The following ZNF138 variants were observed in gnomAD, a reference collection of about 807,000 sequenced individuals.
ZNF138 encodes zinc finger protein 138, also known as zinc finger protein 138 (clone pHZ-32).
Under a neutral mutation model 33.0 loss-of-function variants are expected in ZNF138, and 33 were observed. The ratio of observed to expected loss-of-function variants is 1.00; its 90% CI spans 0.76 to 1.34. ZNF138 has a LOEUF of 1.34. Among genes scored for constraint, ZNF138 ranks in the 40% most tolerant of loss-of-function variants. The pLI is 0.00. For missense variants in ZNF138, 360 were observed against 370.8 expected (o/e 0.97, Z 0.24); for synonymous variants, 139 against 120.4 (o/e 1.15, Z -1.01).
intron 3 of ZNF138, among the ~76,000 whole-genome samples, chr7:64,818,697 C>T (rs1788873978): frequency 7.3e-6 from 1 of 137,872 alleles, no homozygotes; most frequent in Admixed American, 7.3e-5. Context: ...TTGTGGTGAG[C>T]CGAGATCATG....
chr7:64,794,688 C>T (rs1786546530), intron 1 of ZNF138, 117 bp downstream of exon 1: 16 of 1,491,720 alleles, frequency 1.1e-5, no homozygotes, highest in Non-Finnish European at 1.5e-5. Context: ...TCCGCGGCCC[C>T]GAGTTCTTGG....
the ZNF138 span, among the ~76,000 whole-genome samples, chr7:64,847,055 A>G: frequency 6.6e-6 from 1 of 152,150 alleles, no homozygotes; most frequent in East Asian, 1.9e-4. Flanking sequence ...TATGTGGTGT[A>G]TCACATTTAT....
chr7:64,821,813 G>C (rs1789168161), intron 3 of ZNF138, among the ~76,000 whole-genome samples: 1 of 151,474 alleles, frequency 6.6e-6, no homozygotes, highest in Non-Finnish European at 1.5e-5. Flanking sequence ...CCAAAGTGTT[G>C]GGATTACAGG....
At chr7:64,828,801 T>C (rs982205806) in intron 3 of ZNF138, among the ~76,000 whole-genome samples, 1 of 151,884 alleles carries the variant, frequency 6.6e-6, no homozygotes, top group African/African-American at 2.4e-5. Context: ...TTTTGAAGTT[T>C]GTTCAGTACT....
At chr7:64,795,199 T>G (rs1786588394) in intron 1 of ZNF138, among the ~76,000 whole-genome samples, 1 of 152,202 alleles carries the variant, frequency 6.6e-6, no homozygotes, top group Non-Finnish European at 1.5e-5. Context: ...TACAGTTGGT[T>G]AAACATGAAT....
intron 1 of ZNF138, among the ~76,000 whole-genome samples, chr7:64,807,705 G>C (rs1172274223): frequency 4.6e-5 from 7 of 152,238 alleles, no homozygotes; most frequent in African/African-American, 1.7e-4. Flanking sequence ...TGCGTTGTGA[G>C]ATGTCAACAT....
chr7:64,812,542 C>G (rs1788261717), intron 1 of ZNF138, among the ~76,000 whole-genome samples: 1 of 152,126 alleles, frequency 6.6e-6, no homozygotes, highest in African/African-American at 2.4e-5. Flanking sequence ...AGCAGTGTGG[C>G]CCATATTTCC....
chr7:64,837,602 C>T (rs938319656), downstream of ZNF138, among the ~76,000 whole-genome samples: 4 of 152,086 alleles, frequency 2.6e-5, no homozygotes, highest in African/African-American at 4.8e-5. Flanking sequence ...AAGATTGGCG[C>T]GTCTCGAGAG....
At chr7:64,823,808 C>T (rs1229982824) in intron 3 of ZNF138, among the ~76,000 whole-genome samples, 1 of 152,094 alleles carries the variant, frequency 6.6e-6, no homozygotes, top group African/African-American at 2.4e-5. Flanking sequence ...CGTGGTGGCA[C>T]GCGCCTGTAG....
intron 1 of ZNF138, chr7:64,813,913 A>G: frequency 1.7e-6 from 1 of 586,058 alleles, no homozygotes; most frequent in Non-Finnish European, 2.2e-6. Context: ...CTATAGAGTT[A>G]CTTATTTTTC....
the ZNF138 span, among the ~76,000 whole-genome samples, chr7:64,841,049 A>G: frequency 6.6e-6 from 1 of 152,090 alleles, no homozygotes; most frequent in African/African-American, 2.4e-5. Context: ...AGGGTTCAGA[A>G]TCTCCCCATG....
At chr7:64,854,014 A>G in the ZNF138 span, among the ~76,000 whole-genome samples, 1 of 125,790 alleles carries the variant, frequency 7.9e-6, no homozygotes, top group African/African-American at 2.9e-5. Context: ...AAAACAAAAC[A>G]AAACAAAAAC....
chr7:64,809,877 G>A (rs1268109262), intron 1 of ZNF138, among the ~76,000 whole-genome samples: 4 of 100,372 alleles, frequency 4.0e-5, no homozygotes, highest in African/African-American at 1.6e-4. Context: ...GGGCAGAGAC[G>A]CTCCTCACTT....
the ZNF138 span, among the ~76,000 whole-genome samples, chr7:64,849,639 G>A: frequency 1.3e-5 from 2 of 152,008 alleles, no homozygotes; most frequent in Non-Finnish European, 2.9e-5. Flanking sequence ...AAGTGGGGGT[G>A]TGGTTCTCCG....
At chr7:64,838,162 T>C (rs930266134), downstream of ZNF138, among the ~76,000 whole-genome samples, 6 of 152,192 alleles carry the variant, frequency 3.9e-5, no homozygotes, top group South Asian at 2.1e-4. Context: ...TCTGGGCCTC[T>C]TCAGTCGTCA....
chr7:64,850,691 G>A, the ZNF138 span, among the ~76,000 whole-genome samples: 1 of 152,110 alleles, frequency 6.6e-6, no homozygotes. Context: ...ATCTCTCTGT[G>A]CTTGACTCTT....
chr7:64,853,475 T>C, the ZNF138 span: 3 of 570,066 alleles, frequency 5.3e-6, no homozygotes, highest in East Asian at 8.3e-5. Context: ...TCTATATATA[T>C]GAGATCATGT....
intron 1 of ZNF138, among the ~76,000 whole-genome samples, chr7:64,804,566 G>A (rs548726198): frequency 6.6e-6 from 1 of 150,868 alleles, no homozygotes; most frequent in African/African-American, 2.4e-5. Context: ...GTGGATCATT[G>A]CAGTCAGGAG....
intron 1 of ZNF138, among the ~76,000 whole-genome samples, chr7:64,807,151 A>C (rs1787669800): frequency 6.6e-6 from 1 of 152,244 alleles, no homozygotes; most frequent in Admixed American, 6.5e-5. Context: ...AACAATGCTA[A>C]TGACTGGCTT....
Sources: gnomAD v4.1 joint callset for allele counts (sites outside exome capture counted in the v4.1 genomes callset) on GRCh38, gnomAD v4.1.1 for gene constraint, MANE v1.5 for transcripts, NCBI Gene and HGNC (gene_info 2026-07-23, HGNC 2026-07-21) for gene names.